CLMP: variants seen among roughly 807,000 people sequenced by gnomAD.
CLMP encodes CXADR-like membrane protein.
Under a neutral mutation model 45.2 loss-of-function variants are expected in CLMP, and 27 were observed. The ratio of observed to expected loss-of-function variants is 0.60; its 90% CI spans 0.44 to 0.82. The LOEUF (loss-of-function observed/expected upper bound fraction) is 0.82, where lower values mean the gene tolerates loss of function less well. Among genes scored for constraint, CLMP ranks in the 40% least tolerant of loss-of-function variants. The pLI, the probability that CLMP is intolerant of heterozygous loss-of-function variation, is 0.00. For synonymous variants in CLMP, 167 were observed against 171.4 expected, an observed-to-expected ratio of 0.97 and a Z score of 0.20; for missense variants, 403 against 448.4, an observed-to-expected ratio of 0.90 and a Z score of 0.91.
intron 5 of CLMP, among the ~76,000 whole-genome samples, chr11:123,081,493 C>T (rs1192528561): frequency 6.6e-6 from 1 of 152,142 alleles, no homozygotes. Context: ...ATAATAATAG[C>T]TAATGTTACT....
chr11:123,189,999 C>G (rs1861885545), intron 1 of CLMP, among the ~76,000 whole-genome samples: 1 of 62,328 alleles, frequency 1.6e-5, no homozygotes, highest in African/African-American at 9.5e-5. Context: ...AAGACTCTGT[C>G]TCAAAAAAAA....
At chr11:123,169,286 C>T (rs1238900367) in intron 1 of CLMP, among the ~76,000 whole-genome samples, 3 of 152,210 alleles carry the variant, frequency 2.0e-5, no homozygotes, top group African/African-American at 7.2e-5. Flanking sequence ...GCCAAGAGCC[C>T]TGCTGGGTTT....
At position 123,092,268 on chromosome 11, in the gene CLMP, C is replaced by CCA. The variant is rs112488631; in HGVS notation, c.186+5525_186+5526dup. ...CCTCGCTTTCCCTAAAATCTTGTCT[C>CCA]CACACACACACACACACACACAAAG... On this transcript the variant is annotated intron_variant, in intron 2 of 6. Transcript: ENST00000448775. Among the ~76,000 whole-genome samples the CCA allele has an allele frequency of 9.3e-3, 1,381 of 148,088 alleles. 5 individuals carry two copies. The highest frequency in any genetic ancestry group is 0.014 in the Non-Finnish European group (939 of 67,238).
Position 123,194,903 on chromosome 11 carries a change from AG to A in CLMP, c.28+9del. ...GCCATCCAAACTCCCGCCCTCCCAG[AG>A]GCACTCACCTAGCAAGAGGAGAAGG... On this transcript the variant is annotated intron_variant, in intron 1 of 6. Coordinates refer to ENST00000448775, the MANE Select transcript of CLMP (RefSeq NM_024769.5). 4.3e-6 allele frequency: 7 copies of A among 1,613,486 alleles called. No homozygotes were observed. Among genetic ancestry groups the A allele is most frequent in the African/African-American group, 4.0e-5 (3 of 75,012 alleles).
intron 1 of CLMP, among the ~76,000 whole-genome samples, chr11:123,192,428 C>G (rs1174407730): frequency 1.3e-5 from 2 of 152,170 alleles, no homozygotes; most frequent in South Asian, 4.1e-4. Flanking sequence ...GTTCCAGCTT[C>G]GTGCATTCTA....
intron 1 of CLMP, among the ~76,000 whole-genome samples, chr11:123,192,340 G>T (rs1233899422): frequency 6.6e-6 from 1 of 152,138 alleles, no homozygotes; most frequent in African/African-American, 2.4e-5. Flanking sequence ...ATTTTGAATT[G>T]AACATTCCCC....
intron 1 of CLMP, among the ~76,000 whole-genome samples, chr11:123,113,415 A>C (rs181717850): frequency 3.9e-5 from 6 of 152,344 alleles, no homozygotes; most frequent in Non-Finnish European, 8.8e-5. Flanking sequence ...TGTTTTAGGA[A>C]TTTAGTGGAG....
At chr11:123,179,763 G>C (rs1038487182) in intron 1 of CLMP, among the ~76,000 whole-genome samples, 12 of 152,210 alleles carry the variant, frequency 7.9e-5, no homozygotes, top group African/African-American at 2.9e-4. Flanking sequence ...GGTTCAAAGA[G>C]CTTTGGGCTG....
rs1043520800 is a variant in CLMP at position 123,186,948 on chromosome 11, C to T, written c.28+7965G>A. Among the ~76,000 whole-genome samples the T allele has an allele frequency of 6.6e-5, 10 of 152,100 alleles. 1 individual carries two copies. The highest frequency in any genetic ancestry group is 1.3e-4 in the Non-Finnish European group (9 of 68,010). On this transcript the variant is annotated intron_variant, in intron 1 of 6. Coordinates refer to ENST00000448775, the MANE Select transcript of CLMP (RefSeq NM_024769.5). ...ATGCTGGTGCTGATGGCCTGGTGGT[C>T]GCTGACTTCAAGCAGACCCTCCAGA... is the stretch of plus-strand genomic sequence containing the variant.
intron 1 of CLMP, among the ~76,000 whole-genome samples, chr11:123,184,889 G>A (rs778707934): frequency 1.6e-4 from 24 of 152,156 alleles, no homozygotes; most frequent in Non-Finnish European, 5.9e-5. Flanking sequence ...CTGACAATAC[G>A]ACACTGTTCC....
chr11:123,140,245 C>G (rs550854374), intron 1 of CLMP, among the ~76,000 whole-genome samples: 77 of 152,176 alleles, frequency 5.1e-4, no homozygotes, highest in African/African-American at 1.7e-3. Flanking sequence ...GAAAATAGTA[C>G]TAGGGTTACT....
intron 1 of CLMP, among the ~76,000 whole-genome samples, chr11:123,132,566 C>T (rs1014581974): frequency 3.3e-5 from 5 of 152,046 alleles, no homozygotes; most frequent in Non-Finnish European, 7.4e-5. Flanking sequence ...TCAAGTGATT[C>T]TCCTGCCTCA....
chr11:123,150,480 A>AAAGAAAGAAAGGAAGG (rs764502298), intron 1 of CLMP, among the ~76,000 whole-genome samples: 40 of 40,828 alleles, frequency 9.8e-4, no homozygotes, highest in East Asian at 1.8e-3. Context: ...AGAAAGAAAG[A>AAAGAAAGAAAGGAAGG]AAGGAAGGAA....
intron 1 of CLMP, among the ~76,000 whole-genome samples, chr11:123,122,908 C>G (rs577690591): frequency 5.9e-5 from 9 of 152,072 alleles, no homozygotes. Context: ...TCAAGGCTTT[C>G]GGAACAAATT....
At position 123,157,177 on chromosome 11, in the gene CLMP, C is replaced by A. The variant is rs576653116; in HGVS notation, c.28+37736G>T. On this transcript the variant is annotated intron_variant, in intron 1 of 6. Transcript: ENST00000448775. ...TAGGACATCAGATGTAACCTTCAGT[C>A]ATCCCAGTCCAGGAGAATACTTGAG... Among the ~76,000 whole-genome samples, 6 of 152,300 alleles carry A rather than the reference C, an allele frequency of 3.9e-5. No individual in the cohort carries two copies. In the South Asian group the frequency reaches 1.2e-3, roughly 32 times the overall value.
intron 1 of CLMP, among the ~76,000 whole-genome samples, chr11:123,120,024 A>C (rs905686694): frequency 2.0e-5 from 3 of 152,116 alleles, no homozygotes; most frequent in African/African-American, 7.2e-5. Context: ...GTAAAATTTT[A>C]CTATGATGGG....
At chr11:123,128,616 C>T (rs190249475) in intron 1 of CLMP, among the ~76,000 whole-genome samples, 7 of 152,124 alleles carry the variant, frequency 4.6e-5, no homozygotes, top group Admixed American at 3.3e-4. Context: ...GCTATGATCA[C>T]GTCACTGCAT....
intron 1 of CLMP, among the ~76,000 whole-genome samples, chr11:123,139,759 T>C (rs766852608): frequency 3.4e-4 from 51 of 151,954 alleles, no homozygotes; most frequent in Admixed American, 2.6e-4. Flanking sequence ...GAGGTTGCAG[T>C]GAGCCGAGAT....
In CLMP at chr11:123,168,661, C is replaced by A. The variant is rs187475272; in HGVS notation, c.28+26252G>T. On this transcript the variant is annotated intron_variant, in intron 1 of 6. Transcript: ENST00000448775. Reference sequence around the variant, plus strand: ...GCCACCTCCTCCAAGAAGTCCTCTGCAATCGGATCCAGCAGCAACTCTTTC... The same window carrying A: ...GCCACCTCCTCCAAGAAGTCCTCTGAAATCGGATCCAGCAGCAACTCTTTC... Among the ~76,000 whole-genome samples the A allele has an allele frequency of 4.6e-5, 7 of 152,258 alleles. No homozygotes were observed. The East Asian group carries it at 1.4e-3, about 29-fold the overall frequency.
Sources: allele counts gnomAD v4.1 joint callset (sites outside exome capture counted in the v4.1 genomes callset), GRCh38; gene constraint gnomAD v4.1.1; transcripts MANE v1.5; gene names NCBI Gene and HGNC (gene_info 2026-07-23, HGNC 2026-07-21).